AASDHPPT: variants seen among roughly 807,000 people sequenced by gnomAD.
AASDHPPT encodes aminoadipate-semialdehyde dehydrogenase-phosphopantetheinyl transferase.
Under a neutral mutation model 36.4 loss-of-function variants are expected in AASDHPPT, and 23 were observed. That is an observed-to-expected ratio of 0.63 (90% CI 0.45 to 0.89). AASDHPPT has a LOEUF of 0.89. AASDHPPT is among the 40% of genes least tolerant of loss of function. AASDHPPT has a pLI of 0.00. For synonymous variants in AASDHPPT, 115 were observed against 128.0 expected (o/e 0.90, Z 0.68); for missense variants, 377 against 378.2 (o/e 1.00, Z 0.03).
At chr11:106,090,884 C>G (rs1186125225) in intron 3 of AASDHPPT, among the ~76,000 whole-genome samples, 2 of 89,038 alleles carry the variant, frequency 2.2e-5, no homozygotes, top group Non-Finnish European at 6.8e-5. Context: ...ATGTAATGCT[C>G]AGTTAGAAAG....
rs144491127 is a variant in AASDHPPT, at chr11:106,077,727, A to G, written c.17A>G (p.Lys6Arg). The G allele has an allele frequency of 9.3e-6, 15 of 1,613,678 alleles. No homozygotes were observed. The highest frequency in any genetic ancestry group is 2.2e-5 in the East Asian group (1 of 44,860). The change falls in exon 1 of 6, where the codon AAA (lysine) becomes AGA (arginine). Residue 6 changes from lysine to arginine, a missense_variant. By Grantham distance (26) the Lys-to-Arg change is conservative. Coordinates refer to ENST00000278618, the MANE Select transcript of AASDHPPT (RefSeq NM_015423.3). MVFPA[K>R]RFCLVPSMEG... ...TTTCAGTGTATGGTTTTCCCTGCCA[A>G]ACGGTTCTGCTTGGTGCCATCCATG...
chr11:106,077,962 G>T, intron 1 of AASDHPPT, 69 bp downstream of exon 1: 3 of 1,534,198 alleles, frequency 2.0e-6, no homozygotes, highest in African/African-American at 1.4e-5. Flanking sequence ...CCGGGCTGTG[G>T]AGACCCGACA....
Position 106,096,776 on chromosome 11 carries a change from A to G in AASDHPPT, c.799A>G (p.Arg267Gly). 1.2e-6 allele frequency: 2 copies of G among 1,607,186 alleles called. No homozygotes were observed. The highest frequency in any genetic ancestry group is 1.1e-5 in the South Asian group (1 of 89,508). ...TCAGGATGATTCCAAACCAACCCAG[A>G]GGCAATTTACTATTCTCAACTTTAA... ...PSQDDSKPTQ[R>G]QFTILNFNDL... Residue 267 changes from arginine (R) to glycine (G), a missense_variant, in exon 6 of 6, where the codon AGG (arginine) becomes GGG (glycine). By Grantham distance (125) the Arg-to-Gly change is moderately radical (BLOSUM62 -2). Transcript: ENST00000278618.
chr11:106,096,854 G>C lies in AASDHPPT; in HGVS notation c.877G>C (p.Asp293His), dbSNP rs774750510. 3.1e-6 allele frequency: 5 copies of C among 1,611,160 alleles called. No homozygotes were observed. The highest frequency in any genetic ancestry group is 3.4e-6 in the Non-Finnish European group (4 of 1,178,832). ...PMTPEDPSFW[D>H]CFCFTEEIPI... ...GACACCTGAAGATCCTTCATTTTGGGACTGTTTTTGCTTCACAGAAGAAAT... is the reference window on the plus strand; with the variant it reads ...GACACCTGAAGATCCTTCATTTTGGCACTGTTTTTGCTTCACAGAAGAAAT... The change falls in exon 6 of 6, where the codon GAC (aspartate) becomes CAC (histidine). Residue 293 changes from aspartate (D) to histidine (H), a missense_variant. Transcript: ENST00000278618.
rs762954498 is a variant in AASDHPPT at position 106,091,303 on chromosome 11, T to C, written c.532-13T>C. ...CACCAAATTCTAAGAGAAAATGTCTTTCTGTATCTTAGGCACTTAAGGAAA... is the reference window on the plus strand; with the variant it reads ...CACCAAATTCTAAGAGAAAATGTCTCTCTGTATCTTAGGCACTTAAGGAAA... On this transcript the variant is annotated splice_polypyrimidine_tract_variant and intron_variant, in intron 3 of 5. Transcript: ENST00000278618. 1 of 1,573,638 alleles carries C rather than the reference T, an allele frequency of 6.4e-7. No individual in the cohort carries two copies. Among genetic ancestry groups the C allele is most frequent in the South Asian group, 1.2e-5 (1 of 84,096 alleles).
At chr11:106,079,338 A>C in intron 1 of AASDHPPT, 129 bp from the exon 2 acceptor site, 1 of 743,850 alleles carries the variant, frequency 1.3e-6, no homozygotes, top group Non-Finnish European at 2.1e-6. Context: ...ACGTGTGTTT[A>C]ATACTTAAGT....
intron 2 of AASDHPPT, 60 bp downstream of exon 2, chr11:106,079,752 A>T: frequency 1.4e-6 from 2 of 1,416,768 alleles, no homozygotes; most frequent in Non-Finnish European, 9.9e-7. Flanking sequence ...TTCTATTGCT[A>T]TTGAGTAATC....
intron 1 of AASDHPPT, among the ~76,000 whole-genome samples, chr11:106,078,903 TG>T (rs1328153013): frequency 6.6e-6 from 1 of 152,194 alleles, no homozygotes; most frequent in African/African-American, 2.4e-5. Flanking sequence ...TTGTTGAAGC[TG>T]GGTGATCAAT....
chr11:106,087,982 A>G (rs1335897285), intron 2 of AASDHPPT, among the ~76,000 whole-genome samples: 1 of 152,146 alleles, frequency 6.6e-6, no homozygotes. Context: ...ACTGCACTTA[A>G]TACTTAACAC....
rs1411132789 is a variant in AASDHPPT at position 106,079,700 on chromosome 11, T to C, written c.409+8T>C. The C allele has an allele frequency of 6.2e-7, 1 of 1,612,278 alleles. No homozygotes were observed. Among genetic ancestry groups the C allele is most frequent in the South Asian group, 1.1e-5 (1 of 91,014 alleles). On this transcript the variant is annotated splice_region_variant and intron_variant, in intron 2 of 5. Transcript: ENST00000278618. ...TGAAGACTAGTTTTCCAGGTAACGT[T>C]GCATTTTTCTAGTATGGCAGTTAAG...
At chr11:106,094,541 A>T in intron 4 of AASDHPPT, 42 bp from the exon 5 acceptor site, 1 of 1,411,382 alleles carries the variant, frequency 7.1e-7, no homozygotes, top group East Asian at 2.5e-5. Context: ...ATCTAGGTTT[A>T]CATATTTTAT....
At chr11:106,082,210 G>T (rs1046132825) in intron 2 of AASDHPPT, among the ~76,000 whole-genome samples, 1 of 152,022 alleles carries the variant, frequency 6.6e-6, no homozygotes, top group Non-Finnish European at 1.5e-5. Flanking sequence ...CAGTAACACA[G>T]AAAGGAAGAG....
chr11:106,084,348 T>G (rs937965399), intron 2 of AASDHPPT, among the ~76,000 whole-genome samples: 1 of 152,228 alleles, frequency 6.6e-6, no homozygotes, highest in Admixed American at 6.5e-5. Context: ...ACCTGAATGC[T>G]GCTAATAGAA....
At chr11:106,087,620 G>A (rs1486872872) in intron 2 of AASDHPPT, among the ~76,000 whole-genome samples, 1 of 152,088 alleles carries the variant, frequency 6.6e-6, no homozygotes, top group Non-Finnish European at 1.5e-5. Context: ...AATGTCGTAG[G>A]CCCTGAGGTT....
At chr11:106,077,977 C>T (rs1050257550) in intron 1 of AASDHPPT, 84 bp downstream of exon 1, 39 of 1,468,230 alleles carry the variant, frequency 2.7e-5, no homozygotes, top group Non-Finnish European at 3.6e-5. Context: ...CCGACACTCC[C>T]GCGCTGGCCG....
At chr11:106,080,766 T>G (rs1861130465) in intron 2 of AASDHPPT, among the ~76,000 whole-genome samples, 1 of 152,242 alleles carries the variant, frequency 6.6e-6, no homozygotes, top group Non-Finnish European at 1.5e-5. Context: ...ATCTCCATAC[T>G]GCCTGCACCA....
intron 2 of AASDHPPT, among the ~76,000 whole-genome samples, chr11:106,087,395 C>T (rs1233731464): frequency 3.3e-5 from 5 of 152,056 alleles, no homozygotes; most frequent in African/African-American, 4.8e-5. Context: ...CTATTATATA[C>T]AGTTTAGTAC....
chr11:106,088,109 A>G (rs945865515), intron 2 of AASDHPPT, among the ~76,000 whole-genome samples: 6 of 152,156 alleles, frequency 3.9e-5, no homozygotes, highest in African/African-American at 1.4e-4. Flanking sequence ...TTTGTGGACT[A>G]AATAAGATGC....
At position 106,097,078 on chromosome 11, in the gene AASDHPPT, G is replaced by T. The variant is rs999017419; in HGVS notation, c.*171G>T. ...ACTTCTGGTTCAAGATAGCTCACTGGAATACATGTTTACCTCTTTCTTTCC... is the reference window on the plus strand; with the variant it reads ...ACTTCTGGTTCAAGATAGCTCACTGTAATACATGTTTACCTCTTTCTTTCC... On this transcript the variant is annotated 3_prime_UTR_variant, in exon 6 of 6. Coordinates refer to ENST00000278618, the MANE Select transcript of AASDHPPT (RefSeq NM_015423.3). 7 of 575,820 alleles carry T rather than the reference G, an allele frequency of 1.2e-5. No individual in the cohort carries two copies. Among genetic ancestry groups the T allele is most frequent in the African/African-American group, 1.2e-4 (6 of 50,570 alleles). 35.7% of individuals were successfully genotyped at this position (575,820 alleles called of 1,614,324 possible).
Sources: allele counts gnomAD v4.1 joint callset (sites outside exome capture counted in the v4.1 genomes callset), GRCh38; gene constraint gnomAD v4.1.1; transcripts MANE v1.5; gene names NCBI Gene and HGNC (gene_info 2026-07-23, HGNC 2026-07-21).